TFDP2: variants seen among roughly 807,000 people sequenced by gnomAD.
TFDP2 encodes the protein transcription factor Dp-2 (E2F dimerization partner 2).
Under a neutral mutation model 59.3 loss-of-function variants are expected in TFDP2, and 17 were observed. The observed-to-expected ratio is 0.29, with a 90% CI of 0.20 to 0.43. TFDP2 has a LOEUF of 0.43. TFDP2 is among the 20% of genes least tolerant of loss of function. TFDP2 has a pLI of 1.00. For synonymous variants in TFDP2, 180 were observed against 194.7 expected (o/e 0.92, Z 0.63); for missense variants, 391 against 528.8 (o/e 0.74, Z 2.56).
At chr3:142,077,564 A>G (rs891108728) in intron 3 of TFDP2, among the ~76,000 whole-genome samples, 1 of 152,124 alleles carries the variant, frequency 6.6e-6, no homozygotes, top group Non-Finnish European at 1.5e-5. Flanking sequence ...ACACTTCTAG[A>G]CACACCATGG....
At chr3:142,131,989 G>A (rs1577056203) in intron 1 of TFDP2, among the ~76,000 whole-genome samples, 1 of 128,682 alleles carries the variant, frequency 7.8e-6, no homozygotes, top group Non-Finnish European at 1.5e-5. Context: ...GGGCAATGGA[G>A]CAAGACTCCG....
chr3:141,953,588 C>T (rs746999927), intron 11 of TFDP2, among the ~76,000 whole-genome samples: 8 of 152,016 alleles, frequency 5.3e-5, no homozygotes, highest in Non-Finnish European at 1.0e-4. Flanking sequence ...CAAGATTTTT[C>T]CTGGTGTCTG....
intron 3 of TFDP2, among the ~76,000 whole-genome samples, chr3:142,014,337 A>AG (rs1454638081): frequency 2.0e-5 from 3 of 151,484 alleles, no homozygotes; most frequent in East Asian, 1.9e-4. Flanking sequence ...TTTTGTAGGG[A>AG]GGGGGTCTCA....
At chr3:141,966,048 T>C (rs535832579) in intron 9 of TFDP2, among the ~76,000 whole-genome samples, 11 of 152,164 alleles carry the variant, frequency 7.2e-5, no homozygotes, top group African/African-American at 2.7e-4. Context: ...TGGGGGAATA[T>C]AAGCAGTGAT....
intron 7 of TFDP2, among the ~76,000 whole-genome samples, chr3:141,975,641 C>A (rs954630472): frequency 2.7e-5 from 4 of 149,560 alleles, no homozygotes. Context: ...TTGCAGTGAG[C>A]CAAGATTGAG....
At chr3:142,133,213 C>A (rs4683422) in intron 1 of TFDP2, among the ~76,000 whole-genome samples, 12,762 of 149,832 alleles carry the variant, frequency 0.085, 802 homozygotes, top group Middle Eastern at 0.14. Context: ...ATTTCAAATA[C>A]AAGTATTTTT....
At chr3:142,048,303 TA>T (rs1367151039) in intron 3 of TFDP2, among the ~76,000 whole-genome samples, 1 of 151,686 alleles carries the variant, frequency 6.6e-6, no homozygotes, top group East Asian at 2.0e-4. Flanking sequence ...TCATCTCAGC[TA>T]CTCAGAAGGC....
chr3:142,024,398 C>G (rs2108373641), intron 3 of TFDP2, among the ~76,000 whole-genome samples: 1 of 152,282 alleles, frequency 6.6e-6, no homozygotes, highest in Non-Finnish European at 1.5e-5. Context: ...ATAATATACT[C>G]AAAGCACCAT....
chr3:142,080,753 A>G (rs1425891391), intron 3 of TFDP2, among the ~76,000 whole-genome samples: 1 of 152,246 alleles, frequency 6.6e-6, no homozygotes, highest in African/African-American at 2.4e-5. Context: ...AAAGAAGGTC[A>G]TTACATAAAG....
At chr3:141,961,807 G>A (rs1405217817) in intron 10 of TFDP2, among the ~76,000 whole-genome samples, 1 of 152,152 alleles carries the variant, frequency 6.6e-6, no homozygotes, top group Non-Finnish European at 1.5e-5. Flanking sequence ...CCAAGGAAGT[G>A]TGCACCTGCA....
chr3:142,027,162 G>C (rs898667727), intron 3 of TFDP2, among the ~76,000 whole-genome samples: 1 of 151,944 alleles, frequency 6.6e-6, no homozygotes, highest in Non-Finnish European at 1.5e-5. Context: ...CTTAAGTGAA[G>C]TTCAACAGAA....
intron 6 of TFDP2, among the ~76,000 whole-genome samples, chr3:141,985,460 T>TA (rs1005311065): frequency 2.2e-5 from 3 of 137,812 alleles, no homozygotes; most frequent in African/African-American, 8.5e-5. Context: ...GTCAAGGCTG[T>TA]AGTGAGCCAT....
At chr3:141,959,866 T>C (rs1049263840) in intron 10 of TFDP2, 26 bp from the exon 11 acceptor site, 1 of 1,609,544 alleles carries the variant, frequency 6.2e-7, no homozygotes, top group African/African-American at 1.3e-5. Context: ...AAGTAAAGGG[T>C]TTTTGGTGGT....
intron 1 of TFDP2, among the ~76,000 whole-genome samples, chr3:142,143,011 A>AGGTG (rs1448698200): frequency 6.6e-6 from 1 of 152,198 alleles, no homozygotes; most frequent in Non-Finnish European, 1.5e-5. Context: ...CAAGGCGAGC[A>AGGTG]GATCACTTGA....
Position 141,993,535 on chromosome 3 carries a change from C to T in TFDP2, c.356+3G>A. 6.4e-7 allele frequency: 1 copy of T among 1,574,646 alleles called. No homozygotes were observed. The highest frequency in any genetic ancestry group is 8.7e-7 in the Non-Finnish European group (1 of 1,154,212). On this transcript the variant is annotated splice_donor_region_variant and intron_variant, in intron 6 of 12. Coordinates refer to ENST00000489671, the MANE Select transcript of TFDP2 (RefSeq NM_001178139.2). ...CAAACAAAATAGTTAGACTTATACT[C>T]ACCTTTCTGAAAAATCAGAGTCTAT... is the stretch of plus-strand genomic sequence containing the variant.
intron 1 of TFDP2, among the ~76,000 whole-genome samples, chr3:142,107,315 T>C (rs1292788287): frequency 6.6e-6 from 1 of 151,392 alleles, no homozygotes; most frequent in Admixed American, 6.6e-5. Flanking sequence ...CACTGCAACC[T>C]CTACCTCCTG....
chr3:141,982,549 G>A (rs1206540227), intron 6 of TFDP2, among the ~76,000 whole-genome samples: 1 of 152,128 alleles, frequency 6.6e-6, no homozygotes, highest in Non-Finnish European at 1.5e-5. Context: ...AAAGCCAAGA[G>A]TGAAGCAGGG....
intron 3 of TFDP2, among the ~76,000 whole-genome samples, chr3:142,016,971 T>C (rs1420499342): frequency 6.6e-6 from 1 of 152,162 alleles, no homozygotes; most frequent in African/African-American, 2.4e-5. Flanking sequence ...CTGACCTCTT[T>C]GCTGTTCTTC....
intron 3 of TFDP2, among the ~76,000 whole-genome samples, chr3:142,050,122 C>A (rs1425888763): frequency 6.6e-6 from 1 of 151,866 alleles, no homozygotes; most frequent in South Asian, 2.1e-4. Flanking sequence ...CAAAAATTAG[C>A]TGGGCGTGGT....
Sources: gnomAD v4.1 joint callset for allele counts (sites outside exome capture counted in the v4.1 genomes callset) on GRCh38, gnomAD v4.1.1 for gene constraint, MANE v1.5 for transcripts, NCBI Gene and HGNC (gene_info 2026-07-23, HGNC 2026-07-21) for gene names.